Variants in AKAP13 observed in about 807,000 individuals in gnomAD.
The protein encoded by AKAP13 is A-kinase anchoring protein 13.
Under a neutral mutation model 264.5 loss-of-function variants are expected in AKAP13, and 80 were observed. The observed-to-expected ratio is 0.30, with a 90% confidence interval of 0.25 to 0.36. The LOEUF is 0.36. Among genes scored for constraint, AKAP13 ranks in the 10% least tolerant of loss-of-function variants. AKAP13 has a pLI of 1.00. For synonymous variants in AKAP13, 1,380 were observed against 1,250.2 expected (o/e 1.10, Z -2.19); for missense variants, 3,712 against 3,435.2 (o/e 1.08, Z -2.01).
chr15:85,543,989 C>T (rs773019581), intron 5 of AKAP13, 34 bp downstream of exon 5: 7 of 1,608,858 alleles, frequency 4.4e-6, no homozygotes, highest in Non-Finnish European at 6.0e-6. Context: ...TCCCTCCTCT[C>T]ATCCCCAGCC....
intron 1 of AKAP13, 139 bp from the exon 2 acceptor site, chr15:85,485,571 C>T: frequency 1.5e-6 from 1 of 655,612 alleles, no homozygotes; most frequent in Non-Finnish European, 2.7e-6. Context: ...TAGTGTATAG[C>T]ATACAGCTGG....
rs2070683615 is a variant in AKAP13, at chr15:85,388,282, T to C, written c.-12+7484T>C. Among the ~76,000 whole-genome samples, 4 of 151,970 alleles carry C rather than the reference T, an allele frequency of 2.6e-5. No homozygotes were observed. In the South Asian group the frequency reaches 8.3e-4, roughly 32 times the overall value. ...CTGGTCTCAAACTCCTGACCACAAGTGATCCGCCAGCCTCAGCCTCCCAAA... is the reference window on the plus strand; with the variant it reads ...CTGGTCTCAAACTCCTGACCACAAGCGATCCGCCAGCCTCAGCCTCCCAAA... On this transcript the variant is annotated intron_variant, in intron 1 of 36. Coordinates refer to ENST00000394518, the MANE Select transcript of AKAP13 (RefSeq NM_007200.5).
intron 13 of AKAP13, among the ~76,000 whole-genome samples, chr15:85,668,644 A>G (rs1024047674): frequency 5.9e-5 from 9 of 152,182 alleles, no homozygotes; most frequent in African/African-American, 1.4e-4. Context: ...TCAATTTCCA[A>G]TTATTTAAAA....
At chr15:85,717,944 C>T in intron 21 of AKAP13, 63 bp from the exon 22 acceptor site, 1 of 1,538,602 alleles carries the variant, frequency 6.5e-7, no homozygotes, top group Non-Finnish European at 8.9e-7. Flanking sequence ...GAGGAAAGTC[C>T]AACATAGGCT....
chr15:85,637,405 C>T (rs572374670), intron 8 of AKAP13, among the ~76,000 whole-genome samples: 2 of 152,230 alleles, frequency 1.3e-5, no homozygotes, highest in Admixed American at 6.5e-5. Context: ...GCTATTTCAT[C>T]CAACTTGATG....
intron 5 of AKAP13, among the ~76,000 whole-genome samples, chr15:85,559,676 G>A (rs937992380): frequency 7.7e-6 from 1 of 129,374 alleles, no homozygotes; most frequent in African/African-American, 2.9e-5. Flanking sequence ...TAGGGTTCAC[G>A]CTCCTGTGAG....
chr15:85,509,247 C>T (rs915171181), intron 2 of AKAP13, among the ~76,000 whole-genome samples: 1 of 152,170 alleles, frequency 6.6e-6, no homozygotes, highest in Non-Finnish European at 1.5e-5. Context: ...TTCCCAGCCT[C>T]CATTTTTATA....
chr15:85,661,902 G>GAAAA (rs57846021), intron 12 of AKAP13, among the ~76,000 whole-genome samples: 1 of 136,644 alleles, frequency 7.3e-6, no homozygotes, highest in Non-Finnish European at 1.6e-5. Flanking sequence ...GGAAACACAT[G>GAAAA]AAAAAAAAAA....
Position 85,743,807 on chromosome 15 carries a change from A to T in AKAP13, c.8374A>T (p.Ser2792Cys). ...GGAGAAAAAAAAGAAGAACAAAACC[A>T]GCCGCTCTCAGCCCGGTGGTGAGTC... The part of the protein sequence containing the change: ...KKEKKKKNKT[S>C]RSQPGDGPAS... Residue 2792 changes from serine to cysteine, a missense_variant, in exon 36 of 37, where the codon AGC becomes TGC. Ser to Cys is a moderately radical substitution (Grantham distance 112). This residue lies in a region of AKAP13 where 611 missense variants were observed against 539.3 expected (regional missense o/e 1.13). Transcript: ENST00000394518. The T allele has an allele frequency of 6.2e-7, 1 of 1,610,622 alleles. No homozygotes were observed. The highest frequency in any genetic ancestry group is 8.5e-7 in the Non-Finnish European group (1 of 1,178,592).
chr15:85,387,374 A>G (rs1360996365), intron 1 of AKAP13, among the ~76,000 whole-genome samples: 1 of 152,144 alleles, frequency 6.6e-6, no homozygotes, highest in Non-Finnish European at 1.5e-5. Context: ...TCAGTTGTCC[A>G]GTGTGGAATG....
chr15:85,418,825 A>T (rs1217059215), intron 1 of AKAP13, among the ~76,000 whole-genome samples: 1 of 152,252 alleles, frequency 6.6e-6, no homozygotes, highest in Non-Finnish European at 1.5e-5. Flanking sequence ...TCGCATAGTT[A>T]TCATTAATAA....
At chr15:85,387,203 G>T (rs2034988007) in intron 1 of AKAP13, among the ~76,000 whole-genome samples, 1 of 152,022 alleles carries the variant, frequency 6.6e-6, no homozygotes, top group African/African-American at 2.4e-5. Context: ...GGGCGTGGTG[G>T]TGGGCGCCTG....
chr15:85,615,513 T>C (rs1005596397), intron 8 of AKAP13, among the ~76,000 whole-genome samples: 2 of 152,250 alleles, frequency 1.3e-5, no homozygotes, highest in African/African-American at 4.8e-5. Flanking sequence ...GTCTATTATC[T>C]AAGCAGACAG....
intron 1 of AKAP13, among the ~76,000 whole-genome samples, chr15:85,420,002 C>T (rs1343058438): frequency 2.4e-5 from 3 of 126,138 alleles, no homozygotes; most frequent in African/African-American, 3.0e-5. Flanking sequence ...AGTGCAGTGG[C>T]GGGATCTCAG....
At chr15:85,700,886 T>C (rs1251195826) in intron 17 of AKAP13, among the ~76,000 whole-genome samples, 3 of 152,208 alleles carry the variant, frequency 2.0e-5, no homozygotes, top group Non-Finnish European at 4.4e-5. Flanking sequence ...CTGTGTCATG[T>C]ACTCAAAATT....
intron 1 of AKAP13, among the ~76,000 whole-genome samples, chr15:85,384,752 G>T (rs997756898): frequency 2.6e-5 from 4 of 151,078 alleles, no homozygotes; most frequent in South Asian, 2.1e-4. Flanking sequence ...TCATGCATCT[G>T]TCCTCACTGG....
chr15:85,551,543 AGTTG>A (rs2077964110), intron 5 of AKAP13, among the ~76,000 whole-genome samples: 1 of 152,184 alleles, frequency 6.6e-6, no homozygotes, highest in South Asian at 2.1e-4. Context: ...AGGAATTTAA[AGTTG>A]GTTGGAATCA....
rs2077076991 is a variant in AKAP13 at position 85,527,019 on chromosome 15, ATC to A, written c.181+5448_181+5449del. Among the ~76,000 whole-genome samples the A allele has an allele frequency of 9.6e-5, 14 of 145,424 alleles. No homozygotes were observed. In the South Asian group the frequency reaches 3.0e-3, roughly 31 times the overall value. On this transcript the variant is annotated intron_variant, in intron 3 of 36. Transcript: ENST00000394518. ...GCCCAGGCTGGAGTGCAGTGGCGCG[ATC>A]TCTGCTCACTGCAAGCTCCGCCTCC...
chr15:85,730,507 C>G lies in AKAP13; in HGVS notation c.7088-6C>G. On this transcript the variant is annotated splice_region_variant and splice_polypyrimidine_tract_variant and intron_variant, in intron 29 of 36. Coordinates refer to ENST00000394518, the MANE Select transcript of AKAP13 (RefSeq NM_007200.5). Reference sequence around the variant, plus strand: ...CAAATCACAGATCATTTTCTCCTTCCTGCAGAACAACTTCACCAGAAGGAC... The same window carrying G: ...CAAATCACAGATCATTTTCTCCTTCGTGCAGAACAACTTCACCAGAAGGAC... 1 of 1,613,048 alleles carries G rather than the reference C, an allele frequency of 6.2e-7. No homozygotes were observed.
Sources: allele counts gnomAD v4.1 joint callset (sites outside exome capture counted in the v4.1 genomes callset), GRCh38; gene constraint gnomAD v4.1.1; regional missense constraint gnomAD v4.1.1; transcripts MANE v1.5; gene names NCBI Gene and HGNC (gene_info 2026-07-23, HGNC 2026-07-21).